ZMAT4: variants seen among roughly 807,000 people sequenced by gnomAD.
ZMAT4 encodes zinc finger matrin-type protein 4.
In ZMAT4, 17 loss-of-function variants were observed where a neutral mutation model predicts 28.7. The ratio of observed to expected loss-of-function variants is 0.59; its 90% CI spans 0.41 to 0.89. The LOEUF (loss-of-function observed/expected upper bound fraction) is 0.89, where lower values mean the gene tolerates loss of function less well. Among genes scored for constraint, ZMAT4 ranks in the 40% least tolerant of loss-of-function variants. ZMAT4 has a pLI of 0.00. For missense variants in ZMAT4, 240 were observed against 283.8 expected (o/e 0.85, Z 1.11); for synonymous variants, 117 against 109.2 (o/e 1.07, Z -0.44).
At chr8:40,758,031 G>A (rs147504167) in intron 3 of ZMAT4, among the ~76,000 whole-genome samples, 245 of 152,204 alleles carry the variant, frequency 1.6e-3, no homozygotes, top group African/African-American at 5.5e-3. Context: ...CTGGACCTTC[G>A]ACCACAGACT....
chr8:40,714,112 G>A (rs1312200600), intron 3 of ZMAT4, among the ~76,000 whole-genome samples: 1 of 151,976 alleles, frequency 6.6e-6, no homozygotes, highest in African/African-American at 2.4e-5. Context: ...TATTGTCAAA[G>A]GTGCAAAGAA....
intron 2 of ZMAT4, among the ~76,000 whole-genome samples, chr8:40,777,429 G>C (rs1051217044): frequency 1.2e-4 from 18 of 152,180 alleles, no homozygotes; most frequent in African/African-American, 4.1e-4. Context: ...AATTCGATCT[G>C]GTGGGAGATT....
intron 1 of ZMAT4, among the ~76,000 whole-genome samples, chr8:40,890,573 C>G (rs187896867): frequency 2.0e-5 from 3 of 152,222 alleles, no homozygotes; most frequent in Non-Finnish European, 4.4e-5. Flanking sequence ...ACTGGCCTCT[C>G]CCCTTTGCGC....
At chr8:40,653,122 A>T (rs1039692604) in intron 5 of ZMAT4, among the ~76,000 whole-genome samples, 2 of 152,098 alleles carry the variant, frequency 1.3e-5, no homozygotes, top group African/African-American at 4.8e-5. Flanking sequence ...TCCAAAAATA[A>T]GTAGAAATTG....
intron 1 of ZMAT4, among the ~76,000 whole-genome samples, chr8:40,859,400 C>T (rs1465871988): frequency 6.6e-6 from 1 of 152,124 alleles, no homozygotes; most frequent in African/African-American, 2.4e-5. Context: ...TGTATGGAAA[C>T]CCAAATCTTC....
chr8:40,558,941 C>G (rs557522478), intron 6 of ZMAT4, among the ~76,000 whole-genome samples: 1 of 152,138 alleles, frequency 6.6e-6, no homozygotes, highest in Non-Finnish European at 1.5e-5. Flanking sequence ...CAATAAGATA[C>G]CAAATCATAA....
intron 2 of ZMAT4, among the ~76,000 whole-genome samples, chr8:40,780,089 G>A (rs1465064524): frequency 1.3e-5 from 2 of 151,414 alleles, no homozygotes; most frequent in Non-Finnish European, 2.9e-5. Flanking sequence ...TTAGCTATCC[G>A]AACACCCTAC....
chr8:40,797,754 A>G (rs1289358225), intron 2 of ZMAT4, among the ~76,000 whole-genome samples: 1 of 152,218 alleles, frequency 6.6e-6, no homozygotes, highest in Non-Finnish European at 1.5e-5. Flanking sequence ...TGTTGCCACC[A>G]GTAAGCTTAT....
chr8:40,887,916 C>T (rs1818522051), intron 1 of ZMAT4, among the ~76,000 whole-genome samples: 1 of 152,156 alleles, frequency 6.6e-6, no homozygotes, highest in African/African-American at 2.4e-5. Flanking sequence ...AGGAGCCACA[C>T]AAAGTTCACG....
chr8:40,776,961 G>T (rs376632923), intron 2 of ZMAT4, among the ~76,000 whole-genome samples: 1 of 149,606 alleles, frequency 6.7e-6, no homozygotes. Flanking sequence ...AGTTTATTGC[G>T]TATGTAACAA....
At chr8:40,740,463 A>G (rs1811951617) in intron 3 of ZMAT4, among the ~76,000 whole-genome samples, 1 of 152,260 alleles carries the variant, frequency 6.6e-6, no homozygotes, top group African/African-American at 2.4e-5. Flanking sequence ...TGCTTGTGTG[A>G]TAAAAGATAC....
chr8:40,753,098 G>C (rs1312471229), intron 3 of ZMAT4, among the ~76,000 whole-genome samples: 1 of 115,288 alleles, frequency 8.7e-6, no homozygotes, highest in Admixed American at 1.3e-4. Context: ...TCCCCTCCCT[G>C]TGTCCATGTG....
chr8:40,826,636 C>G (rs538811012), intron 1 of ZMAT4, among the ~76,000 whole-genome samples: 13 of 152,270 alleles, frequency 8.5e-5, no homozygotes, highest in African/African-American at 2.6e-4. Flanking sequence ...TAACCCCATA[C>G]TTTGCAACAC....
At chr8:40,713,444 G>GAA (rs199972969) in intron 3 of ZMAT4, among the ~76,000 whole-genome samples, 2 of 138,958 alleles carry the variant, frequency 1.4e-5, no homozygotes, top group African/African-American at 5.3e-5. Flanking sequence ...GGTAATGGTA[G>GAA]AAAAAAAAAA....
intron 6 of ZMAT4, among the ~76,000 whole-genome samples, chr8:40,537,355 G>C (rs1802879489): frequency 6.6e-6 from 1 of 152,024 alleles, no homozygotes; most frequent in Non-Finnish European, 1.5e-5. Flanking sequence ...TTAACCCATG[G>C]AATAAAGAAA....
chr8:40,734,206 C>G (rs185744237), intron 3 of ZMAT4, among the ~76,000 whole-genome samples: 4 of 152,230 alleles, frequency 2.6e-5, no homozygotes, highest in East Asian at 1.9e-4. Context: ...GTCTTACTTA[C>G]GAAATATTGC....
intron 5 of ZMAT4, among the ~76,000 whole-genome samples, chr8:40,661,987 T>C (rs71519565): frequency 6.6e-6 from 1 of 152,200 alleles, no homozygotes; most frequent in South Asian, 2.1e-4. Flanking sequence ...TGTTTGTTTG[T>C]TTGTTTTGAG....
chr8:40,732,981 G>T (rs1811609445), intron 3 of ZMAT4, among the ~76,000 whole-genome samples: 1 of 151,620 alleles, frequency 6.6e-6, no homozygotes, highest in African/African-American at 2.4e-5. Flanking sequence ...AAGTAGCTGG[G>T]TTGACAGGCA....
chr8:40,696,742 A>C (rs1809904029), intron 4 of ZMAT4, among the ~76,000 whole-genome samples: 1 of 152,180 alleles, frequency 6.6e-6, no homozygotes, highest in South Asian at 2.1e-4. Context: ...AAAAAAAATA[A>C]ATAAATCAGT....
Sources: allele counts gnomAD v4.1 joint callset (sites outside exome capture counted in the v4.1 genomes callset), GRCh38; gene constraint gnomAD v4.1.1; transcripts MANE v1.5; gene names NCBI Gene and HGNC (gene_info 2026-07-23, HGNC 2026-07-21).